OLFM2: variants seen among roughly 807,000 people sequenced by gnomAD.
OLFM2 encodes noelin-2.
A neutral mutation model predicts 43.9 loss-of-function variants in OLFM2; 20 were observed. The observed-to-expected ratio is 0.46, with a 90% confidence interval of 0.32 to 0.66. The LOEUF (loss-of-function observed/expected upper bound fraction) is 0.66, where lower values mean the gene tolerates loss of function less well. Ranked by LOEUF, OLFM2 falls within the 30% of genes least tolerant of loss-of-function variation. The probability of loss-of-function intolerance (pLI) is 0.04; values close to 1 mark genes in which losing one functional copy is unlikely to be tolerated. For synonymous variants in OLFM2, 268 were observed against 278.6 expected (o/e 0.96, Z 0.38); for missense variants, 416 against 643.6 (o/e 0.65, Z 3.83).
At chr19:9,862,453 C>T (rs1244893516) in intron 1 of OLFM2, among the ~76,000 whole-genome samples, 1 of 151,790 alleles carries the variant, frequency 6.6e-6, no homozygotes, top group Non-Finnish European at 1.5e-5. Context: ...GGGCGGATCA[C>T]TGAAGGTCAG....
intron 1 of OLFM2, among the ~76,000 whole-genome samples, chr19:9,885,042 G>A (rs547379675): frequency 6.6e-6 from 1 of 152,314 alleles, no homozygotes; most frequent in East Asian, 1.9e-4. Flanking sequence ...GGAGTCAAAG[G>A]TAGTTGAGTG....
intron 1 of OLFM2, among the ~76,000 whole-genome samples, chr19:9,895,660 G>A (rs567579508): frequency 1.3e-4 from 20 of 152,096 alleles, no homozygotes; most frequent in African/African-American, 4.8e-4. Flanking sequence ...TTTTTAGACC[G>A]AGTCTCGCTC....
chr19:9,882,638 G>A (rs1373899780), intron 1 of OLFM2, among the ~76,000 whole-genome samples: 2 of 151,778 alleles, frequency 1.3e-5, no homozygotes, highest in Non-Finnish European at 2.9e-5. Context: ...GGGGCTGGGC[G>A]GTGGCTCACA....
Position 9,857,112 on chromosome 19 carries a change from A to C in OLFM2, c.580+151T>G. The stretch of plus-strand genomic sequence containing the variant: ...GGTCAGGGCCATTTCCAGCTTCTGG[A>C]CTCAAGTGTAGCCTTAGGTAGGAAG... On this transcript the variant is annotated intron_variant, in intron 4 of 5. Transcript: ENST00000264833. The surrounding 1 kb of genome is among the most constrained non-coding windows in gnomAD (Gnocchi z 5.7). The C allele has an allele frequency of 1.2e-6, 1 of 854,872 alleles. No individual in the cohort carries two copies. The highest frequency in any genetic ancestry group is 1.9e-6 in the Non-Finnish European group (1 of 530,326). 53.0% of individuals were successfully genotyped at this position (854,872 alleles called of 1,614,324 possible). A position where few individuals can be genotyped will look rare whatever the true frequency, so the allele number is the denominator to read the frequency against.
chr19:9,918,333 G>A (rs903665833), intron 1 of OLFM2, among the ~76,000 whole-genome samples: 4 of 152,006 alleles, frequency 2.6e-5, no homozygotes, highest in Non-Finnish European at 4.4e-5. Flanking sequence ...TGAGACTACA[G>A]AGGCACACCA....
At position 9,857,875 on chromosome 19, in the gene OLFM2, C is replaced by T; in HGVS notation, c.214-14G>A. The T allele has an allele frequency of 6.2e-7, 1 of 1,613,798 alleles. No homozygotes were observed. Among genetic ancestry groups the T allele is most frequent in the Non-Finnish European group, 8.5e-7 (1 of 1,180,012 alleles). On this transcript the variant is annotated splice_polypyrimidine_tract_variant and intron_variant, in intron 2 of 5. Coordinates refer to ENST00000264833, the MANE Select transcript of OLFM2 (RefSeq NM_058164.4). The surrounding 1 kb of genome is among the most constrained non-coding windows in gnomAD (Gnocchi z 5.7). ...GACGTTCTGGACCTAGGAATGGGGACAACTGAAGGGACCAGACCTCCTTCC... is the reference window on the plus strand; with the variant it reads ...GACGTTCTGGACCTAGGAATGGGGATAACTGAAGGGACCAGACCTCCTTCC...
chr19:9,880,809 A>G (rs530419957), intron 1 of OLFM2, among the ~76,000 whole-genome samples: 30 of 152,254 alleles, frequency 2.0e-4, no homozygotes, highest in Non-Finnish European at 3.8e-4. Flanking sequence ...AAAGCACTTC[A>G]TGACAGCAGA....
intron 1 of OLFM2, among the ~76,000 whole-genome samples, chr19:9,865,105 C>G (rs2046390653): frequency 2.0e-5 from 3 of 151,926 alleles, no homozygotes; most frequent in African/African-American, 7.3e-5. Context: ...CCAAGAAAGC[C>G]TGCCCCTTTG....
chr19:9,877,838 T>C (rs982044053), intron 1 of OLFM2, among the ~76,000 whole-genome samples: 2 of 152,164 alleles, frequency 1.3e-5, no homozygotes, highest in Non-Finnish European at 2.9e-5. Context: ...TAAATTTTTT[T>C]TTTTAAGAAA....
At chr19:9,898,633 G>T (rs2046706614) in intron 1 of OLFM2, among the ~76,000 whole-genome samples, 1 of 152,094 alleles carries the variant, frequency 6.6e-6, no homozygotes. Flanking sequence ...CAAAGTTCTG[G>T]AATTACAGGC....
intron 1 of OLFM2, chr19:9,913,349 C>A: frequency 4.9e-6 from 2 of 404,294 alleles, no homozygotes; most frequent in Non-Finnish European, 7.0e-6. Context: ...CCTACCCAGG[C>A]GTGCCGGGCA....
chr19:9,933,746 AG>A (rs1211801837), intron 1 of OLFM2, among the ~76,000 whole-genome samples: 9 of 143,636 alleles, frequency 6.3e-5, no homozygotes, highest in African/African-American at 2.3e-4. Flanking sequence ...TAGTAGAGAC[AG>A]GGTTTCACTA....
intron 1 of OLFM2, among the ~76,000 whole-genome samples, chr19:9,862,509 T>C (rs2046371821): frequency 6.7e-6 from 1 of 148,926 alleles, no homozygotes; most frequent in African/African-American, 2.5e-5. Flanking sequence ...TCATCTATAC[T>C]AAAAATTAAA....
intron 1 of OLFM2, among the ~76,000 whole-genome samples, chr19:9,889,866 C>T (rs934452801): frequency 1.3e-5 from 2 of 152,002 alleles, no homozygotes; most frequent in Admixed American, 1.3e-4. Context: ...GAGGGAAGAA[C>T]CCCACCAGCC....
intron 1 of OLFM2, among the ~76,000 whole-genome samples, chr19:9,863,132 G>C (rs2145437295): frequency 6.6e-6 from 1 of 152,192 alleles, no homozygotes; most frequent in East Asian, 1.9e-4. Context: ...TGGATGTCTG[G>C]GGAAGGGGTT....
chr19:9,935,911 G>A (rs1400190123), intron 1 of OLFM2, among the ~76,000 whole-genome samples: 1 of 152,130 alleles, frequency 6.6e-6, no homozygotes, highest in Non-Finnish European at 1.5e-5. Context: ...GGCGAGGAGT[G>A]GAGGGCTTCA....
intron 1 of OLFM2, among the ~76,000 whole-genome samples, chr19:9,934,341 C>A (rs944349010): frequency 6.6e-6 from 1 of 152,182 alleles, no homozygotes; most frequent in African/African-American, 2.4e-5. Flanking sequence ...TTGGCCACGC[C>A]CCCGTTGTCC....
intron 1 of OLFM2, among the ~76,000 whole-genome samples, chr19:9,880,130 C>G (rs1303081261): frequency 6.6e-6 from 1 of 152,102 alleles, no homozygotes. Context: ...TCCCAAAGTG[C>G]CAGGATTACA....
At chr19:9,878,705 A>C (rs987619261) in intron 1 of OLFM2, among the ~76,000 whole-genome samples, 1 of 152,154 alleles carries the variant, frequency 6.6e-6, no homozygotes, top group Non-Finnish European at 1.5e-5. Context: ...CAGATAGGAC[A>C]GCACCCTCCA....
Sources: gnomAD v4.1 joint callset for allele counts (sites outside exome capture counted in the v4.1 genomes callset) on GRCh38, gnomAD v4.1.1 for gene constraint, Gnocchi (gnomAD v3.1) non-coding constraint, MANE v1.5 for transcripts, NCBI Gene and HGNC (gene_info 2026-07-23, HGNC 2026-07-21) for gene names.